ALKAL1: variants seen among roughly 807,000 people sequenced by gnomAD.
The protein encoded by ALKAL1 is ALK and LTK ligand 1, also known as AUG-beta.
Under a neutral mutation model 13.5 loss-of-function variants are expected in ALKAL1, and 23 were observed. The observed-to-expected ratio is 1.70, with a 90% CI of 1.23 to 2.41. The LOEUF (loss-of-function observed/expected upper bound fraction) is 2.41. Among genes scored for constraint, ALKAL1 ranks in the 30% most tolerant of loss-of-function variants. The pLI, the probability that ALKAL1 is intolerant of heterozygous loss-of-function variation, is 0.00. For synonymous variants in ALKAL1, 85 were observed against 77.7 expected (o/e 1.09, Z -0.49); for missense variants, 181 against 178.4 (o/e 1.01, Z -0.08).
At chr8:52,543,443 C>T (rs1289893338) in intron 1 of ALKAL1, among the ~76,000 whole-genome samples, 3 of 152,140 alleles carry the variant, frequency 2.0e-5, no homozygotes, top group South Asian at 2.1e-4. Context: ...TCCTGAGGGA[C>T]GTGGGAACAC....
At chr8:52,556,801 A>G (rs1239411710) in intron 1 of ALKAL1, among the ~76,000 whole-genome samples, 1 of 152,134 alleles carries the variant, frequency 6.6e-6, no homozygotes, top group East Asian at 1.9e-4. Flanking sequence ...TATGTGTTAC[A>G]TTTCCTTTCT....
chr8:52,558,979 A>G (rs1847512805), intron 1 of ALKAL1, among the ~76,000 whole-genome samples: 1 of 152,172 alleles, frequency 6.6e-6, no homozygotes, highest in African/African-American at 2.4e-5. Context: ...CTGTGTGCAG[A>G]GAACCCGTGG....
At chr8:52,556,516 G>A (rs963542833) in intron 1 of ALKAL1, among the ~76,000 whole-genome samples, 16 of 151,628 alleles carry the variant, frequency 1.1e-4, no homozygotes, top group East Asian at 3.9e-4. Context: ...GCGTGGTGGC[G>A]CGCGCCTGTA....
chr8:52,538,343 T>C (rs1847281666), intron 4 of ALKAL1, 88 bp downstream of exon 4: 1 of 744,136 alleles, frequency 1.3e-6, no homozygotes, highest in South Asian at 1.7e-5. Flanking sequence ...TGTACAATCA[T>C]TATGTGTCAA....
rs994575281 is a variant in ALKAL1 at position 52,534,513 on chromosome 8, C to T, written c.*100G>A. 7 of 555,604 alleles carry T rather than the reference C, an allele frequency of 1.3e-5. No individual in the cohort carries two copies. Among genetic ancestry groups the T allele is most frequent in the Non-Finnish European group, 2.2e-5 (7 of 319,194 alleles). The allele number at this position is 555,604 out of a possible 1,614,324, so 34.4% of individuals were successfully genotyped here. On this transcript the variant is annotated 3_prime_UTR_variant, in exon 5 of 5. Coordinates refer to ENST00000358543, the MANE Select transcript of ALKAL1 (RefSeq NM_207413.4). ...CTCTTATTTTACTCATCTTAATATC[C>T]ATAAAAATATAAATTTCATCTTTTT...
rs1847558703 is a variant in ALKAL1 at position 52,562,286 on chromosome 8, G to A, written c.190+2781C>T. Among the ~76,000 whole-genome samples, 4 of 152,258 alleles carry A rather than the reference G, an allele frequency of 2.6e-5. No homozygotes were observed. In the South Asian group the frequency reaches 8.3e-4, roughly 32 times the overall value. On this transcript the variant is annotated intron_variant, in intron 1 of 4. Coordinates refer to ENST00000358543, the MANE Select transcript of ALKAL1 (RefSeq NM_207413.4). ...TCAAGAGGGTCTGAACTAGAGTGGT[G>A]GGAAGGACACTAAAAAGGAAGACCC...
chr8:52,542,426 A>G lies in ALKAL1; in HGVS notation c.210T>C (p.Ser70=). The change falls in exon 2 of 5, where the codon TCT becomes TCC. Residue 70 remains serine (S), a synonymous_variant. Transcript: ENST00000358543. ...GCTTTATGAATTTGTCTTTTAAGTT[A>G]GAGTCTCTTGGGAATATTTCTGAAA... is the stretch of plus-strand genomic sequence containing the variant. ...SRSAEIFPRD[S]NLKDKFIKHF... 1 of 1,544,384 alleles carries G rather than the reference A, an allele frequency of 6.5e-7. No homozygotes were observed. The highest frequency in any genetic ancestry group is 1.2e-5 in the South Asian group (1 of 86,086).
chr8:52,557,489 A>G (rs1244005343), intron 1 of ALKAL1, among the ~76,000 whole-genome samples: 6 of 152,170 alleles, frequency 3.9e-5, no homozygotes, highest in African/African-American at 1.4e-4. Context: ...GCCAGAAATA[A>G]TCACCTTTTG....
intron 1 of ALKAL1, among the ~76,000 whole-genome samples, chr8:52,558,984 C>T (rs1424329321): frequency 6.6e-6 from 1 of 152,132 alleles, no homozygotes; most frequent in Non-Finnish European, 1.5e-5. Flanking sequence ...TGCAGAGAAC[C>T]CGTGGCCTGA....
At chr8:52,552,495 TGAG>T (rs1345589537) in intron 1 of ALKAL1, among the ~76,000 whole-genome samples, 3 of 152,256 alleles carry the variant, frequency 2.0e-5, no homozygotes, top group Non-Finnish European at 4.4e-5. Context: ...GTCCCTTCTT[TGAG>T]GACATAGTAT....
rs564315153 is a variant in ALKAL1, at chr8:52,556,602, G to A, written c.190+8465C>T. 3.8e-4 allele frequency among the ~76,000 whole-genome samples: 48 copies of A among 126,560 alleles called. No individual in the cohort carries two copies. In the South Asian group the frequency reaches 9.6e-3, roughly 25 times the overall value. 83.0% of individuals were successfully genotyped at this position (126,560 alleles called of 152,430 possible). On this transcript the variant is annotated intron_variant, in intron 1 of 4. Transcript: ENST00000358543. ...GCGGAGCTTGCAGTGAGTCGAGATC[G>A]CGCCACTGCACTCCAGCCTGGGCGA...
intron 1 of ALKAL1, among the ~76,000 whole-genome samples, chr8:52,554,954 G>A (rs1252464578): frequency 6.6e-6 from 1 of 152,216 alleles, no homozygotes; most frequent in Non-Finnish European, 1.5e-5. Flanking sequence ...GGCGGATCAC[G>A]AGGTCAGGAG....
chr8:52,555,880 C>T (rs946097686), intron 1 of ALKAL1, among the ~76,000 whole-genome samples: 4 of 152,148 alleles, frequency 2.6e-5, no homozygotes, highest in African/African-American at 7.2e-5. Context: ...TTTAGGGACC[C>T]GTGAAGACAA....
chr8:52,560,509 C>A (rs767995420), intron 1 of ALKAL1, among the ~76,000 whole-genome samples: 24 of 152,000 alleles, frequency 1.6e-4, no homozygotes, highest in Admixed American at 1.0e-3. Flanking sequence ...AAACTGAAGG[C>A]CAAAGAAAAA....
At chr8:52,561,116 T>G (rs1393430479) in intron 1 of ALKAL1, among the ~76,000 whole-genome samples, 2 of 152,156 alleles carry the variant, frequency 1.3e-5, no homozygotes, top group Non-Finnish European at 2.9e-5. Flanking sequence ...CCAGGTGATA[T>G]GCAAAGCAGC....
intron 1 of ALKAL1, among the ~76,000 whole-genome samples, chr8:52,546,562 C>A (rs1374038716): frequency 6.6e-6 from 1 of 152,208 alleles, no homozygotes; most frequent in Non-Finnish European, 1.5e-5. Context: ...TATGCCCCTT[C>A]CTTATTTGGA....
intron 1 of ALKAL1, 107 bp downstream of exon 1, chr8:52,564,960 T>C: frequency 1.2e-6 from 1 of 850,666 alleles, no homozygotes; most frequent in Non-Finnish European, 1.6e-6. Context: ...TGTTTTCTGC[T>C]GTACTAATCT....
intron 1 of ALKAL1, among the ~76,000 whole-genome samples, chr8:52,555,172 G>GAA (rs1228769801): frequency 2.7e-5 from 3 of 110,078 alleles, no homozygotes; most frequent in Non-Finnish European, 3.8e-5. Context: ...CTCTGTCTCA[G>GAA]AAAAAAAAAA....
intron 4 of ALKAL1, among the ~76,000 whole-genome samples, chr8:52,536,797 T>C (rs1847270455): frequency 6.6e-6 from 1 of 152,192 alleles, no homozygotes; most frequent in Admixed American, 6.5e-5. Flanking sequence ...TAACACTAAA[T>C]GCTGAAAGAT....
Sources: gnomAD v4.1 joint callset for allele counts (sites outside exome capture counted in the v4.1 genomes callset) on GRCh38, gnomAD v4.1.1 for gene constraint, MANE v1.5 for transcripts, NCBI Gene and HGNC (gene_info 2026-07-23, HGNC 2026-07-21) for gene names.